PLEKHA5: variants seen among roughly 807,000 people sequenced by gnomAD.
PLEKHA5 encodes the protein pleckstrin homology domain containing A5, also known as pleckstrin homology domain-containing family A member 5.
A neutral mutation model predicts 181.9 loss-of-function variants in PLEKHA5; 55 were observed. The ratio of observed to expected loss-of-function variants is 0.30; its 90% CI spans 0.24 to 0.38. The LOEUF (loss-of-function observed/expected upper bound fraction) is 0.38. PLEKHA5 is among the 10% of genes least tolerant of loss of function. The probability of loss-of-function intolerance (pLI) is 1.00; values close to 1 mark genes in which losing one functional copy is unlikely to be tolerated. For synonymous variants in PLEKHA5, 535 were observed against 529.4 expected, an observed-to-expected ratio of 1.01 and a Z score of -0.15; for missense variants, 1,432 against 1,549.5, an observed-to-expected ratio of 0.92 and a Z score of 1.27.
chr12:19,307,171 A>T (rs1032157722), intron 15 of PLEKHA5: 8 of 729,096 alleles, frequency 1.1e-5, no homozygotes, highest in South Asian at 9.8e-5. Flanking sequence ...GGATACCTCT[A>T]GTAAAGAAAT....
intron 31 of PLEKHA5, among the ~76,000 whole-genome samples, chr12:19,374,894 G>A (rs185721375): frequency 6.6e-6 from 1 of 152,110 alleles, no homozygotes; most frequent in East Asian, 1.9e-4. Flanking sequence ...GGCAGAGGTT[G>A]CAGTGAACTG....
At chr12:19,320,481 T>C in intron 17 of PLEKHA5, 81 bp from the exon 18 acceptor site, 1 of 648,226 alleles carries the variant, frequency 1.5e-6, no homozygotes. Context: ...ATATTTAATA[T>C]AAATCCAAAG....
chr12:19,169,159 T>G (rs750950775), intron 3 of PLEKHA5, among the ~76,000 whole-genome samples: 10 of 152,150 alleles, frequency 6.6e-5, no homozygotes, highest in Non-Finnish European at 1.2e-4. Flanking sequence ...TTACTAATAT[T>G]GTAGTTAGTT....
intron 3 of PLEKHA5, among the ~76,000 whole-genome samples, chr12:19,244,606 A>G (rs2063302783): frequency 6.6e-6 from 1 of 152,214 alleles, no homozygotes; most frequent in Non-Finnish European, 1.5e-5. Flanking sequence ...TTCTTAAACT[A>G]AATTAAATCT....
At chr12:19,198,592 T>C (rs1393501692) in intron 3 of PLEKHA5, among the ~76,000 whole-genome samples, 2 of 152,236 alleles carry the variant, frequency 1.3e-5, no homozygotes, top group South Asian at 2.1e-4. Flanking sequence ...ACTGCTGTTA[T>C]GTGTAATACA....
chr12:19,262,260 G>A (rs1287122858), intron 7 of PLEKHA5, among the ~76,000 whole-genome samples: 1 of 152,162 alleles, frequency 6.6e-6, no homozygotes, highest in Non-Finnish European at 1.5e-5. Flanking sequence ...TTGAGACAGA[G>A]TCTTGCTCTG....
intron 3 of PLEKHA5, among the ~76,000 whole-genome samples, chr12:19,172,220 A>G (rs2046067314): frequency 6.6e-6 from 1 of 152,180 alleles, no homozygotes; most frequent in South Asian, 2.1e-4. Flanking sequence ...CATCACTACA[A>G]ACAGTTGAGT....
intron 15 of PLEKHA5, among the ~76,000 whole-genome samples, chr12:19,294,830 C>T (rs934829890): frequency 2.6e-5 from 4 of 152,144 alleles, no homozygotes; most frequent in Non-Finnish European, 4.4e-5. Flanking sequence ...ATCCAAAAAT[C>T]TTGACTTCTG....
chr12:19,350,955 C>CTTTTTTTTTTTTTTTTTTTTTTTT, intron 25 of PLEKHA5, among the ~76,000 whole-genome samples: 1 of 112,542 alleles, frequency 8.9e-6, no homozygotes, highest in Non-Finnish European at 1.8e-5. Flanking sequence ...TATTCAAAGT[C>CTTTTTTTTTTTTTTTTTTTTTTTT]TTTTTTTTTT....
At chr12:19,298,103 G>T (rs1260844963) in intron 15 of PLEKHA5, among the ~76,000 whole-genome samples, 2 of 152,066 alleles carry the variant, frequency 1.3e-5, no homozygotes, top group African/African-American at 4.8e-5. Flanking sequence ...GCAGGCTGAG[G>T]CAGGAGAATT....
At chr12:19,310,484 C>T (rs540232909) in intron 15 of PLEKHA5, among the ~76,000 whole-genome samples, 1 of 151,806 alleles carries the variant, frequency 6.6e-6, no homozygotes, top group Non-Finnish European at 1.5e-5. Flanking sequence ...GTGGTGGGCA[C>T]CTGTAATCCC....
intron 26 of PLEKHA5, among the ~76,000 whole-genome samples, chr12:19,354,438 C>T (rs192682996): frequency 6.9e-6 from 1 of 145,830 alleles, no homozygotes; most frequent in African/African-American, 2.5e-5. Context: ...CAGGTGTGAG[C>T]CACCGCCCCC....
chr12:19,356,411 C>T (rs974041007), intron 26 of PLEKHA5, among the ~76,000 whole-genome samples: 7 of 151,710 alleles, frequency 4.6e-5, no homozygotes, highest in Non-Finnish European at 8.8e-5. Flanking sequence ...CTCACCTACT[C>T]AAGAAGCTGA....
intron 3 of PLEKHA5, among the ~76,000 whole-genome samples, chr12:19,234,071 A>G (rs1374619229): frequency 6.6e-6 from 1 of 152,208 alleles, no homozygotes; most frequent in Non-Finnish European, 1.5e-5. Flanking sequence ...TTTGTAACCT[A>G]TTCTTTTCCT....
rs529168964 is a variant in PLEKHA5 at position 19,302,676 on chromosome 12, T to G, written c.2037+10979T>G. Among the ~76,000 whole-genome samples, 480 of 152,056 alleles carry G rather than the reference T, an allele frequency of 3.2e-3. 1 individual carries two copies. The highest frequency in any genetic ancestry group is 4.9e-3 in the Non-Finnish European group (331 of 68,010). ...CCTCCCAAAGTGCTGCCGTTACAGATGTGAGCCACCACCCCCAGCCTACTG... is the reference window on the plus strand; with the variant it reads ...CCTCCCAAAGTGCTGCCGTTACAGAGGTGAGCCACCACCCCCAGCCTACTG... On this transcript the variant is annotated intron_variant, in intron 15 of 31. Coordinates refer to ENST00000429027, the MANE Select transcript of PLEKHA5 (RefSeq NM_001256470.2).
intron 3 of PLEKHA5, among the ~76,000 whole-genome samples, chr12:19,169,158 T>C (rs573348944): frequency 1.3e-5 from 2 of 152,240 alleles, no homozygotes; most frequent in South Asian, 2.1e-4. Context: ...TTTACTAATA[T>C]TGTAGTTAGT....
At chr12:19,310,095 G>C (rs1395646909) in intron 15 of PLEKHA5, among the ~76,000 whole-genome samples, 1 of 152,046 alleles carries the variant, frequency 6.6e-6, no homozygotes, top group Non-Finnish European at 1.5e-5. Context: ...GCAATTAAAT[G>C]TAAATCTGTA....
At chr12:19,262,973 A>G (rs1025601264) in intron 7 of PLEKHA5, among the ~76,000 whole-genome samples, 4 of 152,240 alleles carry the variant, frequency 2.6e-5, no homozygotes, top group African/African-American at 7.2e-5. Flanking sequence ...TATTAATTTT[A>G]GTAGTTTCCC....
chr12:19,359,310 G>T, intron 27 of PLEKHA5, 102 bp from the exon 28 acceptor site: 9 of 968,618 alleles, frequency 9.3e-6, no homozygotes, highest in Admixed American at 7.2e-5. Context: ...TTCATGAGTG[G>T]AGATCCAGCT....
Sources: allele counts gnomAD v4.1 joint callset (sites outside exome capture counted in the v4.1 genomes callset), GRCh38; gene constraint gnomAD v4.1.1; transcripts MANE v1.5; gene names NCBI Gene and HGNC (gene_info 2026-07-23, HGNC 2026-07-21).